The following ITGAD variants were observed in gnomAD, a reference collection of about 807,000 sequenced individuals.
ITGAD encodes the protein integrin subunit alpha D, also known as integrin alpha-D.
In ITGAD, 105 loss-of-function variants were observed where a neutral mutation model predicts 139.0. The observed-to-expected ratio is 0.76, with a 90% confidence interval of 0.65 to 0.89. The LOEUF is 0.89. ITGAD is among the 40% of genes least tolerant of loss of function. The pLI, the probability that ITGAD is intolerant of heterozygous loss-of-function variation, is 0.00. For missense variants in ITGAD, 1,384 were observed against 1,487.3 expected (o/e 0.93, Z 1.14); for synonymous variants, 569 against 598.3 (o/e 0.95, Z 0.71).
At chr16:31,411,656 C>G (rs1312900743) in intron 14 of ITGAD, 139 bp downstream of exon 14, 3 of 819,052 alleles carry the variant, frequency 3.7e-6, no homozygotes, top group Non-Finnish European at 5.8e-6. Context: ...TCTCTCTTCT[C>G]TCCTTTGTTC....
Position 31,412,887 on chromosome 16 carries a change from C to T in ITGAD, c.1757C>T (p.Ala586Val), listed in dbSNP as rs144853512. 55 of 1,614,106 alleles carry T rather than the reference C, an allele frequency of 3.4e-5. 1 individual carries two copies. Among genetic ancestry groups the T allele is most frequent in the African/African-American group, 3.3e-4 (25 of 75,044 alleles). ...CCCAGGCTGCAGTATTTTGGGCAGGCGCTGAGTGGGGGTCAGGACCTCACC... is the reference window on the plus strand; with the variant it reads ...CCCAGGCTGCAGTATTTTGGGCAGGTGCTGAGTGGGGGTCAGGACCTCACC... ...LSPRLQYFGQ[A>V]LSGGQDLTQD... Residue 586 changes from alanine to valine, a missense_variant, in exon 15 of 30, where the codon GCG becomes GTG. Transcript: ENST00000389202.
In ITGAD at chr16:31,407,681, T is replaced by C. The variant is rs753897892; in HGVS notation, c.858+13T>C. On this transcript the variant is annotated intron_variant, in intron 8 of 29. Transcript: ENST00000389202. The stretch of plus-strand genomic sequence containing the variant: ...CTACGCTATCGGGGTGCGCCTCTTC[T>C]TCACCCCTGCCCCAGGCTCAGCCTG... 10 of 1,613,882 alleles carry C rather than the reference T, an allele frequency of 6.2e-6. No homozygotes were observed. In the South Asian group the frequency reaches 7.7e-5, roughly 12 times the overall value.
chr16:31,413,351 T>G, intron 16 of ITGAD, 105 bp downstream of exon 16: 1 of 1,213,968 alleles, frequency 8.2e-7, no homozygotes, highest in African/African-American at 1.5e-5. Context: ...ACCTCCACAT[T>G]CACTCACCAC....
intron 4 of ITGAD, 22 bp downstream of exon 4, chr16:31,397,688 CG>C (rs34475127): frequency 5.9e-4 from 102 of 172,408 alleles, no homozygotes; most frequent in African/African-American, 2.3e-3. Context: ...TCTTGGGCCA[CG>C]GGGGGGTGGG....
chr16:31,421,088 A>G (rs1264244564), intron 23 of ITGAD, among the ~76,000 whole-genome samples: 1 of 152,144 alleles, frequency 6.6e-6, no homozygotes, highest in African/African-American at 2.4e-5. Context: ...AGTACTTTAT[A>G]TGTATTTACA....
At chr16:31,394,415 C>G (rs62051538) in intron 2 of ITGAD, 74 bp downstream of exon 2, 239,842 of 1,146,936 alleles carry the variant, frequency 0.21, 26,913 homozygotes, top group South Asian at 0.38. Flanking sequence ...TGGGTTACCC[C>G]AGGGAGGTGT....
In ITGAD at chr16:31,423,060, G is replaced by C. The variant is rs1051946934; in HGVS notation, c.2781-54G>C. The C allele has an allele frequency of 4.2e-5, 58 of 1,374,454 alleles. No individual in the cohort carries two copies. The Admixed American group carries it at 9.2e-4, about 22-fold the overall frequency. 85.1% of individuals were successfully genotyped at this position (1,374,454 alleles called of 1,614,324 possible). ...ACAGAGCTCTCTGCAGTAGGACAGG[G>C]CACAACTGGGGACAGTTTCAGGGCT... On this transcript the variant is annotated intron_variant, in intron 23 of 29. Transcript: ENST00000389202.
chr16:31,414,487 T>C lies in ITGAD; in HGVS notation c.2033T>C (p.Leu678Pro), dbSNP rs759191924. ...AGCTCTGTCAGGTTTGATCTGGCACTGGACCCAGGTCGTCTGACTTCTCGT... is the reference window on the plus strand; with the variant it reads ...AGCTCTGTCAGGTTTGATCTGGCACCGGACCCAGGTCGTCTGACTTCTCGT... ...IQSSVRFDLA[L>P]DPGRLTSRAI... Residue 678 changes from leucine to proline, a missense_variant, in exon 17 of 30, where the codon CTG (leucine) becomes CCG (proline). By Grantham distance (98) the Leu-to-Pro change is moderately conservative. Transcript: ENST00000389202. The C allele has an allele frequency of 9.9e-6, 16 of 1,614,138 alleles. No homozygotes were observed. In the East Asian group the frequency reaches 2.7e-4, roughly 27 times the overall value.
At position 31,416,560 on chromosome 16, in the gene ITGAD, T is replaced by A. The variant is rs148745669; in HGVS notation, c.2413T>A (p.Trp805Arg). 45 of 1,613,798 alleles carry A rather than the reference T, an allele frequency of 2.8e-5. No homozygotes were observed. Among genetic ancestry groups the A allele is most frequent in the Non-Finnish European group, 3.4e-5 (40 of 1,179,826 alleles). ...GGAGCTCAACGTGATTGTGACTGTG[T>A]GGAACGCAGGTGAGGATTCCTACGG... ...SLELNVIVTV[W>R]NAGEDSYGTV... Residue 805 changes from tryptophan to arginine, a missense_variant, in exon 20 of 30, where the codon TGG becomes AGG. Transcript: ENST00000389202.
chr16:31,394,888 C>T (rs1567318829), intron 2 of ITGAD, among the ~76,000 whole-genome samples: 1 of 152,156 alleles, frequency 6.6e-6, no homozygotes, highest in Non-Finnish European at 1.5e-5. Context: ...GCTATGTTGT[C>T]CAGACTGGCT....
At position 31,412,828 on chromosome 16, in the gene ITGAD, T is replaced by A. The variant is rs374081648; in HGVS notation, c.1708-10T>A. 1 of 1,613,104 alleles carries A rather than the reference T, an allele frequency of 6.2e-7. No individual in the cohort carries two copies. Among genetic ancestry groups the A allele is most frequent in the Non-Finnish European group, 8.5e-7 (1 of 1,179,782 alleles). On this transcript the variant is annotated splice_polypyrimidine_tract_variant and intron_variant, in intron 14 of 29. Transcript: ENST00000389202. ...TTCCAGCCTGATTCACCCTTTTCTC[T>A]TCTGGCCAGCGGATTGCCAGCTCCC... is the stretch of plus-strand genomic sequence containing the variant.
chr16:31,416,761 T>TCA, intron 20 of ITGAD, 115 bp downstream of exon 20: 4 of 956,884 alleles, frequency 4.2e-6, no homozygotes, highest in Non-Finnish European at 6.2e-6. Flanking sequence ...TCTCTCTCTC[T>TCA]CTCACACACA....
chr16:31,420,566 TTTTG>T (rs528442113), intron 23 of ITGAD, among the ~76,000 whole-genome samples: 31 of 151,934 alleles, frequency 2.0e-4, no homozygotes, highest in East Asian at 3.9e-4. Flanking sequence ...CTAGCTAATT[TTTTG>T]TTTGTTTGTT....
Position 31,403,729 on chromosome 16 carries a change from T to C in ITGAD, c.704+84T>C. ...GGTCAGCACAGCTCTTCTCAGAGGC[T>C]GAGGGAGGCTCCAGGGAAAGGGGCT... On this transcript the variant is annotated intron_variant, in intron 7 of 29. Coordinates refer to ENST00000389202, the MANE Select transcript of ITGAD (RefSeq NM_005353.3). This position sits in a 1 kb window ranked among gnomAD's most constrained non-coding sequence, Gnocchi z 4.4. 6.5e-7 allele frequency: 1 copy of C among 1,535,506 alleles called. No individual in the cohort carries two copies. The highest frequency in any genetic ancestry group is 8.9e-7 in the Non-Finnish European group (1 of 1,121,150).
intron 23 of ITGAD, 48 bp from the exon 24 acceptor site, chr16:31,423,066 C>A (rs201085888): frequency 2.1e-6 from 3 of 1,447,974 alleles, no homozygotes; most frequent in African/African-American, 1.4e-5. Flanking sequence ...CAGGGCACAA[C>A]TGGGGACAGT....
chr16:31,409,911 C>CA (rs11447533), intron 10 of ITGAD, among the ~76,000 whole-genome samples: 57,099 of 89,594 alleles, frequency 0.64, 17,278 homozygotes, highest in Middle Eastern at 0.7. Flanking sequence ...CAGCCTGTCT[C>CA]AAAAAAAAAA....
intron 23 of ITGAD, 100 bp downstream of exon 23, chr16:31,418,664 C>G: frequency 1.1e-6 from 1 of 904,450 alleles, no homozygotes; most frequent in South Asian, 1.3e-5. Flanking sequence ...CACATCTAAG[C>G]TCTCCTGTTT....
chr16:31,397,329 G>C, intron 2 of ITGAD, 30 bp from the exon 3 acceptor site: 1 of 1,482,202 alleles, frequency 6.7e-7, no homozygotes, highest in Non-Finnish European at 9.2e-7. Context: ...TCCTGTGGCT[G>C]CAGTGACATG....
intron 23 of ITGAD, among the ~76,000 whole-genome samples, chr16:31,421,200 C>T (rs1380845081): frequency 6.6e-6 from 1 of 152,162 alleles, no homozygotes; most frequent in Non-Finnish European, 1.5e-5. Context: ...AAGTGGGCAG[C>T]AGAACCAGGA....
Sources: allele counts gnomAD v4.1 joint callset (sites outside exome capture counted in the v4.1 genomes callset), GRCh38; gene constraint gnomAD v4.1.1; non-coding constraint Gnocchi (gnomAD v3.1); transcripts MANE v1.5; gene names NCBI Gene and HGNC (gene_info 2026-07-23, HGNC 2026-07-21).